Variants in TCERG1 observed in about 807,000 individuals in gnomAD.
TCERG1 encodes the protein TATA box binding protein (TBP)-associated factor, RNA polymerase II, S, 150kD.
Under a neutral mutation model 144.7 loss-of-function variants are expected in TCERG1, and 37 were observed. The observed-to-expected ratio is 0.26, with a 90% CI of 0.20 to 0.34. The LOEUF (loss-of-function observed/expected upper bound fraction) is 0.34. TCERG1 is among the 10% of genes least tolerant of loss of function. TCERG1 has a pLI of 1.00. For missense variants in TCERG1, 1,027 were observed against 1,380.7 expected (o/e 0.74, Z 4.06); for synonymous variants, 492 against 458.2 (o/e 1.07, Z -0.94).
chr5:146,469,792 G>T, intron 7 of TCERG1, 48 bp downstream of exon 7: 1 of 1,263,910 alleles, frequency 7.9e-7, no homozygotes, highest in Non-Finnish European at 1.1e-6. Context: ...ACTGTAATAA[G>T]TAGAATGGTA....
At chr5:146,460,327 CTTTCTTTTTTTCTTT>C (rs1190586944) in intron 4 of TCERG1, among the ~76,000 whole-genome samples, 2 of 150,398 alleles carry the variant, frequency 1.3e-5, no homozygotes, top group African/African-American at 4.9e-5. Flanking sequence ...TGGGGGGTTT[CTTTCTTTTTTTCTTT>C]TTTCTTTTTT....
chr5:146,508,040 T>C, intron 21 of TCERG1, 84 bp downstream of exon 21: 1 of 843,548 alleles, frequency 1.2e-6, no homozygotes, highest in South Asian at 2.1e-5. Flanking sequence ...TTAACCAAAA[T>C]GAAGTTGATT....
intron 21 of TCERG1, 91 bp from the exon 22 acceptor site, chr5:146,509,054 T>TA: frequency 4.9e-6 from 3 of 614,752 alleles, no homozygotes; most frequent in Non-Finnish European, 8.0e-6. Context: ...TTATGTGACT[T>TA]ACACATTACT....
chr5:146,459,112 G>A lies in TCERG1; in HGVS notation c.667G>A (p.Ala223Thr). The A allele has an allele frequency of 1.9e-6, 3 of 1,596,540 alleles. No homozygotes were observed. The South Asian group carries it at 3.3e-5, about 18-fold the overall frequency. Residue 223 changes from alanine (A) to threonine (T), a missense_variant, in exon 4 of 23, where the codon GCC becomes ACC. By Grantham distance (58) the Ala-to-Thr change is moderately conservative (BLOSUM62 0). This residue lies in a region of TCERG1 where 187 missense variants were observed against 169.1 expected (regional missense o/e 1.11). Transcript: ENST00000679501. ...GGCCCAGGCCCAGGCCCAGGCCCAA[G>A]CCCAAGCCCAGGCCCAGGCTCAGGC... is the stretch of plus-strand genomic sequence containing the variant. ...AQAQAQAQAQ[A>T]QAQAQAQAQA... is the part of the protein sequence containing the mutation.
chr5:146,505,825 G>A (rs1767938370), intron 19 of TCERG1, among the ~76,000 whole-genome samples: 1 of 152,044 alleles, frequency 6.6e-6, no homozygotes, highest in African/African-American at 2.4e-5. Context: ...TCACCCAGCT[G>A]GAGTGCAGTG....
Position 146,483,552 on chromosome 5 carries a change from T to G in TCERG1, c.2086T>G (p.Ser696Ala). ...MLLERGVSAF[S>A]TWEKELHKIV... ...TTTTATTTTAAAGGTGTCTGCTTTT[T>G]CAACGTGGGAGAAGGAGTTGCACAA... Residue 696 changes from serine (S) to alanine (A), a missense_variant, in exon 15 of 23, where the codon TCA (serine) becomes GCA (alanine). By Grantham distance (99) the Ser-to-Ala change is moderately conservative (BLOSUM62 1). Around this residue, in one of 6 missense-constraint regions of TCERG1, gnomAD observed 482 missense variants for 632.6 expected, o/e 0.76. Coordinates refer to ENST00000679501, the MANE Select transcript of TCERG1 (RefSeq NM_001382548.1). 1 of 1,612,494 alleles carries G rather than the reference T, an allele frequency of 6.2e-7. No individual in the cohort carries two copies. The highest frequency in any genetic ancestry group is 8.5e-7 in the Non-Finnish European group (1 of 1,179,112).
intron 17 of TCERG1, among the ~76,000 whole-genome samples, chr5:146,501,354 T>C (rs1767430968): frequency 6.6e-6 from 1 of 151,916 alleles, no homozygotes; most frequent in South Asian, 2.1e-4. Flanking sequence ...CTGATAGCCT[T>C]AGTAAGCCAT....
intron 19 of TCERG1, among the ~76,000 whole-genome samples, chr5:146,505,013 T>C (rs1335406795): frequency 6.7e-6 from 1 of 148,956 alleles, no homozygotes; most frequent in East Asian, 2.0e-4. Flanking sequence ...GCCACTGCAC[T>C]CCAGCCTGGC....
rs189458236 is a variant in TCERG1, at chr5:146,483,919, A to G, written c.2163+290A>G. ...AAAATTGATTTCAAATGCATTTACT[A>G]ATTTGCTTGTTTGGGCCAATGATGC... On this transcript the variant is annotated intron_variant, in intron 15 of 22. Coordinates refer to ENST00000679501, the MANE Select transcript of TCERG1 (RefSeq NM_001382548.1). Among the ~76,000 whole-genome samples, 55 of 152,218 alleles carry G rather than the reference A, an allele frequency of 3.6e-4. 1 individual carries two copies. In the East Asian group the frequency reaches 0.01, roughly 29 times the overall value.
intron 1 of TCERG1, among the ~76,000 whole-genome samples, chr5:146,448,356 A>G (rs1013163286): frequency 2.6e-4 from 40 of 152,196 alleles, no homozygotes; most frequent in African/African-American, 9.2e-4. Flanking sequence ...CTCAGTGTCT[A>G]TGAGTTTGTA....
chr5:146,452,051 G>C (rs936923146), intron 1 of TCERG1, among the ~76,000 whole-genome samples: 1 of 152,026 alleles, frequency 6.6e-6, no homozygotes, highest in Non-Finnish European at 1.5e-5. Flanking sequence ...GCCTCCCAAA[G>C]TGCTGAGATT....
At chr5:146,489,496 C>A (rs1252594666) in intron 15 of TCERG1, among the ~76,000 whole-genome samples, 1 of 152,100 alleles carries the variant, frequency 6.6e-6, no homozygotes, top group Non-Finnish European at 1.5e-5. Context: ...TGTCAACCAT[C>A]TGGGCCACTG....
intron 4 of TCERG1, among the ~76,000 whole-genome samples, 182 bp downstream of exon 4, chr5:146,459,519 A>G (rs1333888525): frequency 6.6e-6 from 1 of 152,238 alleles, no homozygotes; most frequent in Non-Finnish European, 1.5e-5. Flanking sequence ...TTAACAGGAG[A>G]AATTATTTGC....
chr5:146,479,866 C>T lies in TCERG1; in HGVS notation c.1774C>T (p.Pro592Ser), dbSNP rs142192758. Reference protein sequence around the residue: ...EELKKLRHPTPTMLSIQKWQF... With the variant: ...EELKKLRHPTSTMLSIQKWQF... Reference sequence around the variant, plus strand: ...AATGTTTTTGCCAGGGCACCCAACTCCGACAATGCTGTCGATCCAAAAGTG... The same window carrying T: ...AATGTTTTTGCCAGGGCACCCAACTTCGACAATGCTGTCGATCCAAAAGTG... The change falls in exon 11 of 23, where the codon CCG becomes TCG. Residue 592 changes from proline to serine, a missense_variant. Coordinates refer to ENST00000679501, the MANE Select transcript of TCERG1 (RefSeq NM_001382548.1). 1.2e-6 allele frequency: 2 copies of T among 1,613,372 alleles called. No individual in the cohort carries two copies. Among genetic ancestry groups the T allele is most frequent in the Non-Finnish European group, 1.7e-6 (2 of 1,179,644 alleles).
intron 5 of TCERG1, among the ~76,000 whole-genome samples, chr5:146,467,630 A>G (rs377027992): frequency 1.1e-3 from 168 of 152,312 alleles, no homozygotes; most frequent in Non-Finnish European, 1.9e-3. Flanking sequence ...CCAAGTAGTC[A>G]TTAGTGGTAT....
chr5:146,452,810 T>G (rs546618871), intron 1 of TCERG1, among the ~76,000 whole-genome samples: 1 of 152,192 alleles, frequency 6.6e-6, no homozygotes, highest in Non-Finnish European at 1.5e-5. Context: ...CAGGTTGATG[T>G]TGAACTCCTG....
chr5:146,505,168 G>T (rs1339312009), intron 19 of TCERG1, among the ~76,000 whole-genome samples: 2 of 151,728 alleles, frequency 1.3e-5, no homozygotes, highest in Non-Finnish European at 2.9e-5. Context: ...TACATTCAGA[G>T]CCATCCTGAG....
chr5:146,510,520 G>A lies in TCERG1; in HGVS notation c.3226G>A (p.Val1076Ile). ...TTTACAGAATGACAAACGGTATCTA[G>A]TACTGGACTGTGTGCCAGAGGAGAG... is the stretch of plus-strand genomic sequence containing the variant. ...KILQNDKRYL[V>I]LDCVPEERRK... Residue 1076 changes from valine (V) to isoleucine (I), a missense_variant, in exon 23 of 23, where the codon GTA (valine) becomes ATA (isoleucine). By Grantham distance (29) the Val-to-Ile change is conservative. Transcript: ENST00000679501. The A allele has an allele frequency of 1.2e-6, 2 of 1,614,142 alleles. No individual in the cohort carries two copies. The highest frequency in any genetic ancestry group is 1.7e-6 in the Non-Finnish European group (2 of 1,180,018).
intron 15 of TCERG1, 155 bp from the exon 16 acceptor site, chr5:146,492,765 T>A: frequency 1.9e-6 from 1 of 516,282 alleles, no homozygotes; most frequent in East Asian, 3.7e-5. Flanking sequence ...AGTGAAGCTT[T>A]AAAGTGAAAC....
Sources: allele counts gnomAD v4.1 joint callset (sites outside exome capture counted in the v4.1 genomes callset), GRCh38; gene constraint gnomAD v4.1.1; regional missense constraint gnomAD v4.1.1; transcripts MANE v1.5; gene names NCBI Gene and HGNC (gene_info 2026-07-23, HGNC 2026-07-21).